Variants in ZNF610 observed in about 807,000 individuals in gnomAD.
ZNF610 encodes zink finger protein.
ZNF610 carries 14 observed loss-of-function variants against 14.1 expected under a neutral mutation model. The ratio of observed to expected loss-of-function variants is 0.99; its 90% CI spans 0.65 to 1.55. The LOEUF (loss-of-function observed/expected upper bound fraction) is 1.55. Among genes scored for constraint, ZNF610 ranks in the 40% most tolerant of loss-of-function variants. The probability of loss-of-function intolerance (pLI) is 0.00; values close to 1 mark genes in which losing one functional copy is unlikely to be tolerated. For missense variants in ZNF610, 530 were observed against 558.0 expected, an observed-to-expected ratio of 0.95 and a Z score of 0.51; for synonymous variants, 185 against 187.6, an observed-to-expected ratio of 0.99 and a Z score of 0.11.
chr19:52,337,808 A>G (rs1412024851), intron 1 of ZNF610, among the ~76,000 whole-genome samples: 2 of 152,234 alleles, frequency 1.3e-5, no homozygotes, highest in African/African-American at 4.8e-5. Flanking sequence ...TCCTGCCTAT[A>G]AGGGAAGTGC....
intron 1 of ZNF610, among the ~76,000 whole-genome samples, chr19:52,339,724 A>T (rs1984581511): frequency 6.6e-6 from 1 of 152,092 alleles, no homozygotes; most frequent in South Asian, 2.1e-4. Context: ...TCTCTTTCTT[A>T]TCCCCACACA....
chr19:52,366,574 C>A lies in ZNF610; in HGVS notation c.1196C>A (p.Pro399His), dbSNP rs1382692761. Reference protein sequence around the residue: ...AHLLIHTGEKPYKCNECDKVF... With the variant: ...AHLLIHTGEKHYKCNECDKVF... Reference sequence around the variant, plus strand: ...CTTCTAATCCATACTGGAGAGAAACCTTACAAATGTAATGAATGTGACAAA... The same window carrying A: ...CTTCTAATCCATACTGGAGAGAAACATTACAAATGTAATGAATGTGACAAA... The change falls in exon 6 of 6, where the codon CCT (proline) becomes CAT (histidine). Residue 399 changes from proline to histidine, a missense_variant. By Grantham distance (77) the Pro-to-His change is moderately conservative. Transcript: ENST00000403906. The A allele has an allele frequency of 6.2e-7, 1 of 1,614,210 alleles. No homozygotes were observed. The highest frequency in any genetic ancestry group is 1.3e-5 in the African/African-American group (1 of 75,040).
chr19:52,346,160 G>A (rs980008962), intron 1 of ZNF610, among the ~76,000 whole-genome samples: 4 of 150,406 alleles, frequency 2.7e-5, no homozygotes, highest in South Asian at 2.1e-4. Context: ...CACTACACCC[G>A]GCTAAAGTTT....
chr19:52,346,923 T>G (rs2122204267), intron 1 of ZNF610, among the ~76,000 whole-genome samples: 1 of 152,010 alleles, frequency 6.6e-6, no homozygotes, highest in Non-Finnish European at 1.5e-5. Context: ...GGAGATGGGG[T>G]TTCACCATGT....
intron 5 of ZNF610, among the ~76,000 whole-genome samples, chr19:52,364,384 C>T (rs1024922771): frequency 2.0e-5 from 3 of 151,896 alleles, no homozygotes. Context: ...TTTATATTTT[C>T]ATTTGGGTTA....
intron 5 of ZNF610, among the ~76,000 whole-genome samples, chr19:52,365,237 CAAAA>C (rs371290297): frequency 4.8e-5 from 5 of 104,322 alleles, no homozygotes; most frequent in Non-Finnish European, 4.1e-5. Flanking sequence ...GACTCCGTCT[CAAAA>C]AAAAAAAAAA....
At chr19:52,333,232 AG>A (rs1357516502), upstream of ZNF610, among the ~76,000 whole-genome samples, 21 of 152,240 alleles carry the variant, frequency 1.4e-4, no homozygotes, top group Non-Finnish European at 2.9e-5. Flanking sequence ...GTTTATAAAA[AG>A]ATAAGAAAAA....
chr19:52,334,922 C>G (rs10426367), upstream of ZNF610, among the ~76,000 whole-genome samples: 595 of 150,002 alleles, frequency 4.0e-3, 7 homozygotes, highest in African/African-American at 0.014. Flanking sequence ...GAGCAAGACT[C>G]TGTCTCAAAA....
At chr19:52,331,867 G>A (rs1412674718), upstream of ZNF610, among the ~76,000 whole-genome samples, 2 of 152,046 alleles carry the variant, frequency 1.3e-5, no homozygotes, top group Non-Finnish European at 2.9e-5. Flanking sequence ...TTCCACATTT[G>A]CCCCCTTTGT....
upstream of ZNF610, among the ~76,000 whole-genome samples, chr19:52,333,980 A>G (rs321925): frequency 0.8 from 120,984 of 152,124 alleles, 49,049 homozygotes; most frequent in African/African-American, 0.93. Flanking sequence ...CACATCCCAC[A>G]GGCCTTCAGC....
upstream of ZNF610, among the ~76,000 whole-genome samples, chr19:52,336,009 G>A (rs1030309740): frequency 5.3e-5 from 8 of 152,124 alleles, no homozygotes; most frequent in African/African-American, 1.9e-4. Flanking sequence ...GGGACTACAG[G>A]TGCCTGCCAC....
chr19:52,334,765 C>A (rs543845459), upstream of ZNF610, among the ~76,000 whole-genome samples: 2 of 151,716 alleles, frequency 1.3e-5, no homozygotes, highest in African/African-American at 4.8e-5. Context: ...CGTGTCTGTA[C>A]TAAAAATACA....
At chr19:52,341,568 A>G (rs1984692439) in intron 1 of ZNF610, among the ~76,000 whole-genome samples, 1 of 152,074 alleles carries the variant, frequency 6.6e-6, no homozygotes, top group Admixed American at 6.6e-5. Flanking sequence ...TCGGCCTCCC[A>G]AAGTGCTGGG....
upstream of ZNF610, among the ~76,000 whole-genome samples, chr19:52,335,463 C>A (rs559019858): frequency 5.1e-4 from 78 of 152,286 alleles, no homozygotes; most frequent in Non-Finnish European, 9.6e-4. Context: ...CCCAGGTTGG[C>A]CTTAACCCTC....
intron 1 of ZNF610, among the ~76,000 whole-genome samples, chr19:52,341,048 C>T (rs1017744082): frequency 6.6e-6 from 1 of 152,212 alleles, no homozygotes; most frequent in African/African-American, 2.4e-5. Context: ...CACTCACATA[C>T]TCACTCACTA....
chr19:52,337,737 T>C (rs577060865), intron 1 of ZNF610, among the ~76,000 whole-genome samples: 18 of 152,274 alleles, frequency 1.2e-4, no homozygotes, highest in African/African-American at 3.6e-4. Context: ...TTTCTCTAAT[T>C]GTAATCTAAT....
At chr19:52,349,312 C>T in intron 3 of ZNF610, 77 bp downstream of exon 3, 1 of 1,477,864 alleles carries the variant, frequency 6.8e-7, no homozygotes, top group Non-Finnish European at 9.4e-7. Context: ...GACACGTTTG[C>T]TCACACTCAC....
chr19:52,356,802 C>T (rs321945), intron 5 of ZNF610, among the ~76,000 whole-genome samples: 43,545 of 152,042 alleles, frequency 0.29, 8,086 homozygotes, highest in African/African-American at 0.53. Context: ...TACCATTACA[C>T]TGACTTGCCG....
intron 5 of ZNF610, 63 bp downstream of exon 5, chr19:52,354,442 T>C (rs962181825): frequency 6.4e-7 from 1 of 1,553,256 alleles, no homozygotes; most frequent in African/African-American, 1.4e-5. Context: ...TGAGCCAGGG[T>C]GTTCCGCTAT....
Sources: gnomAD v4.1 joint callset for allele counts (sites outside exome capture counted in the v4.1 genomes callset) on GRCh38, gnomAD v4.1.1 for gene constraint, MANE v1.5 for transcripts, NCBI Gene and HGNC (gene_info 2026-07-23, HGNC 2026-07-21) for gene names.